Variants in TRDMT1 observed in about 807,000 individuals in gnomAD.
TRDMT1 encodes tRNA aspartic acid methyltransferase 1.
A neutral mutation model predicts 51.2 loss-of-function variants in TRDMT1; 49 were observed. The observed-to-expected ratio is 0.96, with a 90% CI of 0.76 to 1.21. The LOEUF (loss-of-function observed/expected upper bound fraction) is 1.21, where lower values mean the gene tolerates loss of function less well. Among genes scored for constraint, TRDMT1 ranks in the 50% most tolerant of loss-of-function variants. The pLI is 0.00. For synonymous variants in TRDMT1, 187 were observed against 164.6 expected, an observed-to-expected ratio of 1.14 and a Z score of -1.04; for missense variants, 534 against 462.3, an observed-to-expected ratio of 1.16 and a Z score of -1.42.
chr10:17,170,695 C>A (rs566047146), intron 2 of TRDMT1, among the ~76,000 whole-genome samples: 3 of 152,196 alleles, frequency 2.0e-5, no homozygotes, highest in African/African-American at 7.2e-5. Context: ...TCCAAGACCA[C>A]AGTACGCTTT....
chr10:17,168,349 T>A (rs1841492551), intron 3 of TRDMT1, among the ~76,000 whole-genome samples: 1 of 152,164 alleles, frequency 6.6e-6, no homozygotes, highest in Non-Finnish European at 1.5e-5. Flanking sequence ...CATAAGTAGA[T>A]AGAAGGATTT....
In TRDMT1 at chr10:17,140,037, C is replaced by CTGTTTTTTTTTTT. The variant is rs1837549597; in HGVS notation, c.*9002_*9003insAAAAAAAAAAACA. Among the ~76,000 whole-genome samples the CTGTTTTTTTTTTT allele has an allele frequency of 9.1e-5, 2 of 21,914 alleles. No homozygotes were observed. The highest frequency in any genetic ancestry group is 3.7e-4 in the African/African-American group (2 of 5,348). 14.4% of individuals were successfully genotyped at this position (21,914 alleles called of 152,430 possible). ...TATTCTTCCAGTAACATCTAGTGTG[C>CTGTTTTTTTTTTT]TTTTTTTTTTTTTTTTTTTTTTTTT... On this transcript the variant is annotated 3_prime_UTR_variant, in exon 11 of 11. Coordinates refer to ENST00000377799, the MANE Select transcript of TRDMT1 (RefSeq NM_004412.7).
intron 10 of TRDMT1, among the ~76,000 whole-genome samples, chr10:17,149,892 A>G (rs141142068): frequency 6.6e-6 from 1 of 152,136 alleles, no homozygotes; most frequent in African/African-American, 2.4e-5. Context: ...GTTCATAGAC[A>G]TTTGGATTGT....
At chr10:17,160,140 A>G (rs1200128583) in intron 6 of TRDMT1, among the ~76,000 whole-genome samples, 165 bp downstream of exon 6, 2 of 152,098 alleles carry the variant, frequency 1.3e-5, no homozygotes, top group African/African-American at 4.8e-5. Context: ...ATTTATATGC[A>G]TGCACTAAAT....
In TRDMT1 at chr10:17,146,200, C is replaced by G. The variant is rs917778410; in HGVS notation, c.*2840G>C. ...ATTTCTAAAAAAGTGCTGGGTGGAC[C>G]CTCACTGTTCACAATTTCAACTACT... is the stretch of plus-strand genomic sequence containing the variant. On this transcript the variant is annotated 3_prime_UTR_variant, in exon 11 of 11. Coordinates refer to ENST00000377799, the MANE Select transcript of TRDMT1 (RefSeq NM_004412.7). 3 of 985,284 alleles carry G rather than the reference C, an allele frequency of 3.0e-6. No individual in the cohort carries two copies. The African/African-American group carries it at 5.2e-5, about 17-fold the overall frequency. The allele number at this position is 985,284 out of a possible 1,614,324, so 61.0% of individuals were successfully genotyped here. A position where few individuals can be genotyped will look rare whatever the true frequency, so the allele number is the denominator to read the frequency against.
intron 1 of TRDMT1, among the ~76,000 whole-genome samples, chr10:17,199,524 G>A (rs1210042250): frequency 6.6e-6 from 1 of 152,232 alleles, no homozygotes; most frequent in Non-Finnish European, 1.5e-5. Context: ...AAAGAATTCA[G>A]GGAATCGTTT....
rs1837810738 is a variant in TRDMT1, at chr10:17,143,035, A to G, written c.*6005T>C. The G allele has an allele frequency of 5.1e-6, 5 of 985,454 alleles. No individual in the cohort carries two copies. Among genetic ancestry groups the G allele is most frequent in the Non-Finnish European group, 6.0e-6 (5 of 829,934 alleles). The allele number at this position is 985,454 out of a possible 1,614,324, so 61.0% of individuals were successfully genotyped here. On this transcript the variant is annotated 3_prime_UTR_variant, in exon 11 of 11. Coordinates refer to ENST00000377799, the MANE Select transcript of TRDMT1 (RefSeq NM_004412.7). ...GCTACTTTCCAAAAGCCAAAAGCCTATCCCAGAATTATTTTTTAAATCATG... is the reference window on the plus strand; with the variant it reads ...GCTACTTTCCAAAAGCCAAAAGCCTGTCCCAGAATTATTTTTTAAATCATG...
chr10:17,191,620 G>T (rs1448564633), intron 1 of TRDMT1, among the ~76,000 whole-genome samples: 1 of 152,170 alleles, frequency 6.6e-6, no homozygotes, highest in Non-Finnish European at 1.5e-5. Context: ...GCTGTCAGGG[G>T]AGGGCTGTAT....
chr10:17,160,618 C>T (rs1840210331), intron 5 of TRDMT1, among the ~76,000 whole-genome samples: 1 of 151,948 alleles, frequency 6.6e-6, no homozygotes, highest in Non-Finnish European at 1.5e-5. Context: ...TTACAGGCAC[C>T]CACCACCACG....
intron 1 of TRDMT1, among the ~76,000 whole-genome samples, chr10:17,196,869 C>T (rs999051996): frequency 6.6e-6 from 1 of 152,130 alleles, no homozygotes; most frequent in African/African-American, 2.4e-5. Context: ...TCAGAGGTAG[C>T]AATGGAAGAA....
At chr10:17,157,900 T>A in intron 7 of TRDMT1, 116 bp from the exon 8 acceptor site, 1 of 747,348 alleles carries the variant, frequency 1.3e-6, no homozygotes, top group Non-Finnish European at 2.1e-6. Flanking sequence ...GGGTTGCCAT[T>A]AAAAGATAGA....
Position 17,145,465 on chromosome 10 carries a change from T to G in TRDMT1, c.*3575A>C. 2.0e-6 allele frequency: 2 copies of G among 985,380 alleles called. No homozygotes were observed. The highest frequency in any genetic ancestry group is 2.4e-6 in the Non-Finnish European group (2 of 829,940). The allele number at this position is 985,380 out of a possible 1,614,324, so 61.0% of individuals were successfully genotyped here. A position where few individuals can be genotyped will look rare whatever the true frequency, so the allele number is the denominator to read the frequency against. On this transcript the variant is annotated 3_prime_UTR_variant, in exon 11 of 11. Transcript: ENST00000377799. The stretch of plus-strand genomic sequence containing the variant: ...AAAGGCCATGTCTTTAAAAATTATA[T>G]AATCTCAATGCAATCACAGGCTACA...
At chr10:17,184,605 A>G (rs1311444421) in intron 1 of TRDMT1, among the ~76,000 whole-genome samples, 1 of 152,038 alleles carries the variant, frequency 6.6e-6, no homozygotes, top group Non-Finnish European at 1.5e-5. Flanking sequence ...TTCAAATCCT[A>G]TCCTGCAAAA....
At chr10:17,151,718 A>T in intron 10 of TRDMT1, 1 of 863,254 alleles carries the variant, frequency 1.2e-6, no homozygotes, top group South Asian at 5.3e-5. Context: ...AAAAATATTT[A>T]TGAAATAAAG....
intron 1 of TRDMT1, among the ~76,000 whole-genome samples, chr10:17,195,494 G>A (rs1845285611): frequency 6.6e-6 from 1 of 151,912 alleles, no homozygotes; most frequent in Non-Finnish European, 1.5e-5. Context: ...ACTAACTGTG[G>A]GTACTATGCT....
Position 17,148,580 on chromosome 10 carries a change from A to G in TRDMT1, c.*460T>C. ...ATATGCATTTGTTTAGATGAAATAA[A>G]GAAATATTTACAGGATTGGAAATTA... On this transcript the variant is annotated 3_prime_UTR_variant, in exon 11 of 11. Coordinates refer to ENST00000377799, the MANE Select transcript of TRDMT1 (RefSeq NM_004412.7). 1 of 977,658 alleles carries G rather than the reference A, an allele frequency of 1.0e-6. No homozygotes were observed. Among genetic ancestry groups the G allele is most frequent in the Non-Finnish European group, 1.2e-6 (1 of 822,846 alleles). The allele number at this position is 977,658 out of a possible 1,614,324, so 60.6% of individuals were successfully genotyped here.
rs1396806540 is a variant in TRDMT1, at chr10:17,144,658, A to G, written c.*4382T>C. The G allele has an allele frequency of 2.0e-6, 2 of 985,240 alleles. No homozygotes were observed. Among genetic ancestry groups the G allele is most frequent in the Admixed American group, 1.2e-4 (2 of 16,264 alleles). 61.0% of individuals were successfully genotyped at this position (985,240 alleles called of 1,614,324 possible). A position where few individuals can be genotyped will look rare whatever the true frequency, so the allele number is the denominator to read the frequency against. On this transcript the variant is annotated 3_prime_UTR_variant, in exon 11 of 11. Transcript: ENST00000377799. The stretch of plus-strand genomic sequence containing the variant: ...TCATATTTCTTGAACAAATATATTT[A>G]AAAAGAAATAAATTCACAAGCTAAG...
intron 2 of TRDMT1, among the ~76,000 whole-genome samples, chr10:17,170,280 C>A (rs1255434642): frequency 6.6e-6 from 1 of 152,024 alleles, no homozygotes; most frequent in Non-Finnish European, 1.5e-5. Flanking sequence ...CCCTTCACAA[C>A]TTATTTAACC....
chr10:17,164,757 C>T (rs1030841318), intron 3 of TRDMT1, among the ~76,000 whole-genome samples: 1 of 152,154 alleles, frequency 6.6e-6, no homozygotes, highest in Non-Finnish European at 1.5e-5. Context: ...CATGAGTGAA[C>T]TCCCATTCAC....
Sources: allele counts gnomAD v4.1 joint callset (sites outside exome capture counted in the v4.1 genomes callset), GRCh38; gene constraint gnomAD v4.1.1; transcripts MANE v1.5; gene names NCBI Gene and HGNC (gene_info 2026-07-23, HGNC 2026-07-21).